Variants in NRG3 observed in about 807,000 individuals in gnomAD.
The protein encoded by NRG3 is pro-neuregulin-3, membrane-bound isoform.
NRG3 carries 31 observed loss-of-function variants against 66.9 expected under a neutral mutation model. That is an observed-to-expected ratio of 0.46 (90% confidence interval 0.35 to 0.63). The LOEUF is 0.63. Among genes scored for constraint, NRG3 ranks in the 20% least tolerant of loss-of-function variants. The pLI is 0.00. For missense variants in NRG3, 910 were observed against 878.9 expected (o/e 1.04, Z -0.45); for synonymous variants, 393 against 359.4 (o/e 1.09, Z -1.06).
In NRG3 at chr10:82,277,030, G is replaced by A. The variant is rs190305720; in HGVS notation, c.824-81709G>A. Among the ~76,000 whole-genome samples the A allele has an allele frequency of 1.8e-4, 27 of 152,110 alleles. No homozygotes were observed. In the East Asian group the frequency reaches 5.0e-3, roughly 28 times the overall value. On this transcript the variant is annotated intron_variant, in intron 1 of 8. Transcript: ENST00000372141. ...TTTCTCCCTCATTATTGAAGACGAT[G>A]TTACCATACAACTGAGATGGTTTAA...
chr10:82,281,118 C>T (rs769945584), intron 1 of NRG3, among the ~76,000 whole-genome samples: 29 of 152,202 alleles, frequency 1.9e-4, no homozygotes, highest in Non-Finnish European at 3.4e-4. Context: ...GACTGGAAGA[C>T]TTGGAGTGAC....
chr10:82,500,723 C>A (rs563460423), intron 2 of NRG3, among the ~76,000 whole-genome samples: 1 of 152,140 alleles, frequency 6.6e-6, no homozygotes, highest in Non-Finnish European at 1.5e-5. Context: ...TATAGTTGGC[C>A]TATACTGAAC....
chr10:82,750,898 A>G (rs1437007185), intron 3 of NRG3, among the ~76,000 whole-genome samples: 1 of 152,154 alleles, frequency 6.6e-6, no homozygotes, highest in African/African-American at 2.4e-5. Flanking sequence ...AAGTGTCATG[A>G]CAAGAGGTAT....
intron 2 of NRG3, among the ~76,000 whole-genome samples, chr10:82,605,925 T>G (rs2047937654): frequency 6.6e-6 from 1 of 152,100 alleles, no homozygotes. Context: ...TAATAATAGT[T>G]GTCTTTCTTT....
At chr10:82,129,469 A>T (rs2068670494) in intron 1 of NRG3, among the ~76,000 whole-genome samples, 1 of 152,216 alleles carries the variant, frequency 6.6e-6, no homozygotes, top group East Asian at 1.9e-4. Context: ...AGATATTTTG[A>T]TACAGGTGTG....
At chr10:82,464,799 C>T (rs1276214736) in intron 2 of NRG3, among the ~76,000 whole-genome samples, 4 of 152,194 alleles carry the variant, frequency 2.6e-5, no homozygotes, top group Admixed American at 2.6e-4. Flanking sequence ...ATAATGCTAA[C>T]TTGTGTACAG....
chr10:82,310,075 C>A (rs1377727264), intron 1 of NRG3, among the ~76,000 whole-genome samples: 1 of 152,146 alleles, frequency 6.6e-6, no homozygotes, highest in Non-Finnish European at 1.5e-5. Context: ...ATTCCCTTAA[C>A]TGGTTTCTTC....
intron 2 of NRG3, among the ~76,000 whole-genome samples, chr10:82,432,028 A>G (rs1051659480): frequency 8.5e-5 from 13 of 152,208 alleles, no homozygotes; most frequent in African/African-American, 3.1e-4. Flanking sequence ...TATTTTTTAA[A>G]CACAAAAAAC....
chr10:82,247,797 A>G (rs2077310248), intron 1 of NRG3, among the ~76,000 whole-genome samples: 1 of 152,180 alleles, frequency 6.6e-6, no homozygotes, highest in African/African-American at 2.4e-5. Flanking sequence ...ATGAGCATTG[A>G]GACTGCCCAT....
chr10:82,069,509 G>A (rs911165674), intron 1 of NRG3, among the ~76,000 whole-genome samples: 1 of 152,106 alleles, frequency 6.6e-6, no homozygotes. Flanking sequence ...AGAAAAATGA[G>A]GTTTAGAGAA....
At chr10:82,069,892 T>C (rs1404174689) in intron 1 of NRG3, among the ~76,000 whole-genome samples, 1 of 152,166 alleles carries the variant, frequency 6.6e-6, no homozygotes, top group African/African-American at 2.4e-5. Flanking sequence ...CTGTGAAGTG[T>C]TGGTGCAGTG....
intron 1 of NRG3, among the ~76,000 whole-genome samples, chr10:81,896,147 A>G (rs1304818350): frequency 6.6e-6 from 1 of 152,162 alleles, no homozygotes; most frequent in Non-Finnish European, 1.5e-5. Context: ...AAAGATATCC[A>G]TTTCCAGGCA....
At chr10:82,865,361 CCTTTTTCT>C (rs1445554333) in intron 3 of NRG3, 42 bp from the exon 4 acceptor site, 13 of 1,604,490 alleles carry the variant, frequency 8.1e-6, no homozygotes, top group East Asian at 2.2e-5. Context: ...CTTTTTCTAA[CCTTTTTCT>C]CTTTTTCTCT....
chr10:82,906,397 C>A (rs1844739400), intron 4 of NRG3, among the ~76,000 whole-genome samples: 1 of 152,136 alleles, frequency 6.6e-6, no homozygotes, highest in Non-Finnish European at 1.5e-5. Flanking sequence ...TGCTGTTGAA[C>A]TTTGGGCTTT....
chr10:82,898,132 T>C (rs1456953460), intron 4 of NRG3, among the ~76,000 whole-genome samples: 1 of 152,152 alleles, frequency 6.6e-6, no homozygotes, highest in Non-Finnish European at 1.5e-5. Context: ...GAGATAGCAG[T>C]TGATAGGTAA....
chr10:82,882,475 C>A (rs1842389826), intron 4 of NRG3, among the ~76,000 whole-genome samples: 1 of 152,098 alleles, frequency 6.6e-6, no homozygotes, highest in Non-Finnish European at 1.5e-5. Flanking sequence ...CAATGGCAGA[C>A]AAGCAAACAA....
At chr10:82,219,655 G>C (rs1160974546) in intron 1 of NRG3, among the ~76,000 whole-genome samples, 1 of 151,848 alleles carries the variant, frequency 6.6e-6, no homozygotes, top group Admixed American at 6.6e-5. Context: ...TAGTTAATTG[G>C]AATTAATATT....
chr10:82,374,773 C>T (rs946556222), intron 2 of NRG3, among the ~76,000 whole-genome samples: 8 of 152,262 alleles, frequency 5.3e-5, no homozygotes, highest in African/African-American at 1.9e-4. Flanking sequence ...CCTAGAGGTC[C>T]TTTAGTAATT....
intron 3 of NRG3, among the ~76,000 whole-genome samples, chr10:82,768,315 T>C (rs2059592227): frequency 6.6e-6 from 1 of 152,180 alleles, no homozygotes; most frequent in Non-Finnish European, 1.5e-5. Context: ...ACTGCATTTT[T>C]CTCCATCCCA....
Sources: allele counts gnomAD v4.1 joint callset (sites outside exome capture counted in the v4.1 genomes callset), GRCh38; gene constraint gnomAD v4.1.1; transcripts MANE v1.5; gene names NCBI Gene and HGNC (gene_info 2026-07-23, HGNC 2026-07-21).